SLAIN2: variants seen among roughly 807,000 people sequenced by gnomAD.
SLAIN2 encodes SLAIN motif-containing protein 2.
A neutral mutation model predicts 56.6 loss-of-function variants in SLAIN2; 31 were observed. That is an observed-to-expected ratio of 0.55 (90% CI 0.41 to 0.74). The LOEUF is 0.74. Among genes scored for constraint, SLAIN2 ranks in the 30% least tolerant of loss-of-function variants. The pLI, the probability that SLAIN2 is intolerant of heterozygous loss-of-function variation, is 0.00. For synonymous variants in SLAIN2, 317 were observed against 284.9 expected (o/e 1.11, Z -1.13); for missense variants, 777 against 754.2 (o/e 1.03, Z -0.35).
chr4:48,419,507 TCTC>T (rs1403018896), intron 6 of SLAIN2, among the ~76,000 whole-genome samples: 1 of 152,212 alleles, frequency 6.6e-6, no homozygotes, highest in Non-Finnish European at 1.5e-5. Flanking sequence ...TTCAGGCAGT[TCTC>T]CTGCTTCAGT....
intron 6 of SLAIN2, among the ~76,000 whole-genome samples, chr4:48,392,089 T>C (rs1185309997): frequency 1.3e-5 from 2 of 152,252 alleles, no homozygotes; most frequent in Non-Finnish European, 2.9e-5. Context: ...TACTACACTT[T>C]GTCATTTAAA....
Position 48,341,976 on chromosome 4 carries a change from C to G in SLAIN2, c.237C>G (p.Pro79=), listed in dbSNP as rs559778132. The G allele has an allele frequency of 1.2e-5, 17 of 1,432,946 alleles. 1 individual carries two copies. In the South Asian group the frequency reaches 2.4e-4, roughly 20 times the overall value. The allele number at this position is 1,432,946 out of a possible 1,614,324, so 88.8% of individuals were successfully genotyped here. A position where few individuals can be genotyped will look rare whatever the true frequency, so the allele number is the denominator to read the frequency against. Residue 79 remains proline, a synonymous_variant, in exon 1 of 8, where the codon CCC becomes CCG. Coordinates refer to ENST00000264313, the MANE Select transcript of SLAIN2 (RefSeq NM_020846.2). ...TCAGCGCCAAGTCGGGCGGCGGGCC[C>G]GGGTCGGGCCCGAGGCGGACGAGTA... ...LGLSAKSGGG[P]GSGPRRTSSE...
chr4:48,398,053 T>C (rs1309052115), intron 6 of SLAIN2, among the ~76,000 whole-genome samples: 1 of 152,202 alleles, frequency 6.6e-6, no homozygotes, highest in Non-Finnish European at 1.5e-5. Context: ...TCAAAAGGTA[T>C]TTCTGCTTTT....
chr4:48,420,492 A>T (rs774381657), intron 7 of SLAIN2, 49 bp downstream of exon 7: 5 of 1,585,942 alleles, frequency 3.2e-6, no homozygotes, highest in Non-Finnish European at 3.4e-6. Flanking sequence ...CTGAAAGTGG[A>T]TAGACTGGAA....
rs1052566834 is a variant in SLAIN2 at position 48,424,540 on chromosome 4, TGTAA to T, written c.*2466_*2469del. 2 of 152,168 alleles carry T rather than the reference TGTAA, an allele frequency of 1.3e-5. No homozygotes were observed. Among genetic ancestry groups the T allele is most frequent in the African/African-American group, 4.8e-5 (2 of 41,440 alleles). 9.4% of individuals were successfully genotyped at this position (152,168 alleles called of 1,614,324 possible). A position where few individuals can be genotyped will look rare whatever the true frequency, so the allele number is the denominator to read the frequency against. ...TTCTCAGTGTTTGAATGTTATTTTT[TGTAA>T]GTGTGTTAATAAAAGTGTAAAGAAT... On this transcript the variant is annotated 3_prime_UTR_variant, in exon 8 of 8. Coordinates refer to ENST00000264313, the MANE Select transcript of SLAIN2 (RefSeq NM_020846.2).
chr4:48,379,783 T>G lies in SLAIN2; in HGVS notation c.797T>G (p.Ile266Ser), dbSNP rs1480925615. ...LSASELDEDS[I>S]GSNYKLNDVT... ...GCTTCAGAATTAGATGAAGATTCAA[T>G]TGGATCCAATTATAAGCTAAATGAT... Residue 266 changes from isoleucine (I) to serine (S), a missense_variant, in exon 4 of 8, where the codon ATT (isoleucine) becomes AGT (serine). Ile to Ser is a moderately radical substitution (Grantham distance 142, BLOSUM62 -2). Coordinates refer to ENST00000264313, the MANE Select transcript of SLAIN2 (RefSeq NM_020846.2). 6.3e-7 allele frequency: 1 copy of G among 1,599,656 alleles called. No individual in the cohort carries two copies. Among genetic ancestry groups the G allele is most frequent in the South Asian group, 1.1e-5 (1 of 88,382 alleles).
chr4:48,342,255 T>G, intron 1 of SLAIN2, 127 bp downstream of exon 1: 4 of 1,196,862 alleles, frequency 3.3e-6, no homozygotes, highest in Non-Finnish European at 4.3e-6. Flanking sequence ...TGGCGACTTG[T>G]GGTTTTCTTG....
rs937996173 is a variant in SLAIN2, at chr4:48,422,468, CTTCACA to C, written c.*396_*401del. The stretch of plus-strand genomic sequence containing the variant: ...AATGGTGAATTCAGGCTATCCAAAA[CTTCACA>C]TTCAACCTAATTTACTGTATAAATA... On this transcript the variant is annotated 3_prime_UTR_variant, in exon 8 of 8. Coordinates refer to ENST00000264313, the MANE Select transcript of SLAIN2 (RefSeq NM_020846.2). The C allele has an allele frequency of 2.3e-5, 4 of 175,962 alleles. No homozygotes were observed. The highest frequency in any genetic ancestry group is 9.5e-5 in the African/African-American group (4 of 41,960). 10.9% of individuals were successfully genotyped at this position (175,962 alleles called of 1,614,324 possible).
At chr4:48,349,413 G>C (rs779439565) in intron 1 of SLAIN2, among the ~76,000 whole-genome samples, 1 of 152,220 alleles carries the variant, frequency 6.6e-6, no homozygotes, top group African/African-American at 2.4e-5. Flanking sequence ...GCCAGTTACA[G>C]ATGAGATACT....
chr4:48,409,518 G>GA (rs1716791679), intron 6 of SLAIN2, among the ~76,000 whole-genome samples: 1 of 152,146 alleles, frequency 6.6e-6, no homozygotes, highest in Admixed American at 6.5e-5. Flanking sequence ...CCATTGCGTG[G>GA]ATGCACCACA....
intron 2 of SLAIN2, among the ~76,000 whole-genome samples, chr4:48,370,669 A>G (rs1715639194): frequency 6.6e-6 from 1 of 152,238 alleles, no homozygotes. Flanking sequence ...TGTTTATAAC[A>G]TTTAATGTAG....
intron 2 of SLAIN2, among the ~76,000 whole-genome samples, chr4:48,371,935 T>C (rs549370013): frequency 6.6e-6 from 1 of 151,518 alleles, no homozygotes; most frequent in South Asian, 2.1e-4. Context: ...AGCAAGACCC[T>C]GTTGCCAAAA....
chr4:48,389,732 T>C (rs1407478207), intron 6 of SLAIN2, among the ~76,000 whole-genome samples: 1 of 152,162 alleles, frequency 6.6e-6, no homozygotes, highest in Non-Finnish European at 1.5e-5. Context: ...CTGAGTATAG[T>C]GGTTTTGTAT....
chr4:48,360,327 C>A (rs1032680546), intron 1 of SLAIN2, among the ~76,000 whole-genome samples: 4 of 151,500 alleles, frequency 2.6e-5, no homozygotes, highest in Non-Finnish European at 4.4e-5. Context: ...CAGGGTGGCT[C>A]ATGCTTGTAA....
intron 7 of SLAIN2, among the ~76,000 whole-genome samples, chr4:48,421,685 C>A (rs2109792427): frequency 6.6e-6 from 1 of 152,076 alleles, no homozygotes; most frequent in Non-Finnish European, 1.5e-5. Context: ...ATATCACATT[C>A]ATCATTCTGC....
At chr4:48,365,243 C>A (rs1275612407) in intron 1 of SLAIN2, among the ~76,000 whole-genome samples, 1 of 151,492 alleles carries the variant, frequency 6.6e-6, no homozygotes, top group Non-Finnish European at 1.5e-5. Context: ...CTGAGGCAGA[C>A]GAATCACTTG....
chr4:48,346,402 C>G (rs1450362951), intron 1 of SLAIN2, among the ~76,000 whole-genome samples: 1 of 152,112 alleles, frequency 6.6e-6, no homozygotes, highest in Non-Finnish European at 1.5e-5. Context: ...ATCAATTTAT[C>G]TTAGGTTTAT....
intron 6 of SLAIN2, among the ~76,000 whole-genome samples, chr4:48,391,543 A>T (rs1308402027): frequency 6.6e-6 from 1 of 152,132 alleles, no homozygotes; most frequent in Non-Finnish European, 1.5e-5. Context: ...ACTTGGTTTT[A>T]TTTTTGTTTC....
intron 1 of SLAIN2, among the ~76,000 whole-genome samples, chr4:48,346,665 T>C (rs1470583157): frequency 6.6e-6 from 1 of 152,202 alleles, no homozygotes; most frequent in Non-Finnish European, 1.5e-5. Context: ...TCACCACTTA[T>C]CTGAATAGTT....
Sources: gnomAD v4.1 joint callset for allele counts (sites outside exome capture counted in the v4.1 genomes callset) on GRCh38, gnomAD v4.1.1 for gene constraint, MANE v1.5 for transcripts, NCBI Gene and HGNC (gene_info 2026-07-23, HGNC 2026-07-21) for gene names.